Variants in FAT2 observed in about 807,000 individuals in gnomAD.
FAT2 encodes the protein protocadherin Fat 2.
FAT2 carries 150 observed loss-of-function variants against 295.3 expected under a neutral mutation model. The observed-to-expected ratio is 0.51, with a 90% CI of 0.44 to 0.58. FAT2 has a LOEUF of 0.58. FAT2 is among the 20% of genes least tolerant of loss of function. The pLI is 0.00. For synonymous variants in FAT2, 2,026 were observed against 2,150.3 expected (o/e 0.94, Z 1.60); for missense variants, 4,868 against 5,442.7 (o/e 0.89, Z 3.32).
chr5:151,516,229 G>A (rs531593370), intron 20 of FAT2, among the ~76,000 whole-genome samples: 2 of 152,268 alleles, frequency 1.3e-5, no homozygotes, highest in South Asian at 2.1e-4. Flanking sequence ...TTGTAACTCC[G>A]GCTGGGCATG....
At chr5:151,509,374 A>G (rs1864935) in intron 22 of FAT2, 111,153 of 152,112 alleles carry the variant, frequency 0.73, 40,921 homozygotes, top group East Asian at 0.96. Flanking sequence ...AGAGAGAGAC[A>G]CCCTAACACA....
Position 151,543,802 on chromosome 5 carries a change from C to T in FAT2, c.7325G>A (p.Cys2442Tyr), listed in dbSNP as rs776551291. Residue 2442 changes from cysteine (C) to tyrosine (Y), a missense_variant, in exon 10 of 24, where the codon TGC becomes TAC. Cys to Tyr is a radical substitution (Grantham distance 194, BLOSUM62 -2). This residue lies in a region of FAT2 where 3,297 missense variants were observed against 3,669.4 expected (regional missense o/e 0.90). Coordinates refer to ENST00000261800, the MANE Select transcript of FAT2 (RefSeq NM_001447.3). ...SSGIISMFNLCKKHLDSSYNL... is the reference protein window; with the variant it reads ...SSGIISMFNLYKKHLDSSYNL... ...GTAAGAAGAGTCCAGGTGCTTTTTGCAAAGGTTGAACATAGAAATTATTCC... is the reference window on the plus strand; with the variant it reads ...GTAAGAAGAGTCCAGGTGCTTTTTGTAAAGGTTGAACATAGAAATTATTCC... 1.2e-6 allele frequency: 2 copies of T among 1,614,184 alleles called. No individual in the cohort carries two copies. Among genetic ancestry groups the T allele is most frequent in the Admixed American group, 3.3e-5 (2 of 60,024 alleles).
rs1417241370 is a variant in FAT2 at position 151,554,643 on chromosome 5, G to T, written c.3664C>A (p.Leu1222Met). 2 of 1,613,960 alleles carry T rather than the reference G, an allele frequency of 1.2e-6. No individual in the cohort carries two copies. The highest frequency in any genetic ancestry group is 2.7e-5 in the African/African-American group (2 of 75,008). Residue 1222 changes from leucine to methionine, a missense_variant, in exon 5 of 24, where the codon CTG becomes ATG. Leu to Met is a conservative substitution (Grantham distance 15). Coordinates refer to ENST00000261800, the MANE Select transcript of FAT2 (RefSeq NM_001447.3). ...ACCACCACCCTGGAGGTGGACTTCAGTGAGGGTTCCCCATTGTCCAGCACA... is the reference window on the plus strand; with the variant it reads ...ACCACCACCCTGGAGGTGGACTTCATTGAGGGTTCCCCATTGTCCAGCACA... The part of the protein sequence containing the change: ...VTVLDNGEPS[L>M]KSTSRVVVGI...
intron 1 of FAT2, among the ~76,000 whole-genome samples, chr5:151,570,879 A>G (rs1758494666): frequency 6.6e-6 from 1 of 152,190 alleles, no homozygotes; most frequent in Non-Finnish European, 1.5e-5. Flanking sequence ...CCCCAAGATC[A>G]TGCTGACAGC....
At position 151,553,262 on chromosome 5, in the gene FAT2, C is replaced by T. The variant is rs781688320; in HGVS notation, c.4071G>A (p.Thr1357=). 72 of 1,614,230 alleles carry T rather than the reference C, an allele frequency of 4.5e-5. No homozygotes were observed. Among genetic ancestry groups the T allele is most frequent in the Middle Eastern group, 1.6e-4 (1 of 6,062 alleles). The change falls in exon 6 of 24, where the codon ACG becomes ACA. Residue 1357 remains threonine (T), a synonymous_variant. Coordinates refer to ENST00000261800, the MANE Select transcript of FAT2 (RefSeq NM_001447.3). The stretch of plus-strand genomic sequence containing the variant: ...GGTTCACAGGGTCCGTCTCCATGAC[C>T]GTAAAGCTGTAGTAGGTCTCATCAA... ...LAFDETYYSF[T]VMETDPVNHM...
intron 13 of FAT2, among the ~76,000 whole-genome samples, chr5:151,534,015 G>A (rs1754966999): frequency 6.6e-6 from 1 of 152,112 alleles, no homozygotes; most frequent in Admixed American, 6.5e-5. Flanking sequence ...GGAATTTAAT[G>A]GGCTTACTGG....
chr5:151,552,792 T>A (rs1164389625), intron 6 of FAT2, among the ~76,000 whole-genome samples: 2 of 152,192 alleles, frequency 1.3e-5, no homozygotes, highest in African/African-American at 4.8e-5. Flanking sequence ...ACATTGAGCA[T>A]GGCCCCAGGG....
Position 151,543,333 on chromosome 5 carries a change from G to A in FAT2, c.7794C>T (p.Val2598=). 2 of 1,614,166 alleles carry A rather than the reference G, an allele frequency of 1.2e-6. No individual in the cohort carries two copies. The highest frequency in any genetic ancestry group is 1.7e-6 in the Non-Finnish European group (2 of 1,180,024). ...CCTGGATAACCGGAGAGTCTTTACT[G>A]ACATTGGATTGAATGGATACTGTGT... ...SEYTVSIQSN[V]SKDSPVIQVL... is the part of the protein sequence containing the mutation. The change falls in exon 10 of 24, where the codon GTC becomes GTT. Residue 2598 remains valine, a synonymous_variant. Transcript: ENST00000261800.
chr5:151,536,741 C>T (rs779082927), intron 12 of FAT2, among the ~76,000 whole-genome samples: 11 of 152,336 alleles, frequency 7.2e-5, no homozygotes, highest in Non-Finnish European at 1.0e-4. Context: ...TGTGTTATAA[C>T]AATTCTATGA....
At position 151,523,224 on chromosome 5, in the gene FAT2, C is replaced by G. The variant is rs183282370; in HGVS notation, c.10507-1138G>C. ...ATAGCAACAATAATAATTAACACTA[C>G]TGTTAATTATAATGTATAGCTAACA... On this transcript the variant is annotated intron_variant, in intron 18 of 23. Transcript: ENST00000261800. 2.0e-3 allele frequency among the ~76,000 whole-genome samples: 301 copies of G among 152,252 alleles called. 1 individual carries two copies. The highest frequency in any genetic ancestry group is 6.9e-3 in the African/African-American group (288 of 41,526).
chr5:151,549,756 G>A (rs1199862773), intron 8 of FAT2, among the ~76,000 whole-genome samples: 1 of 152,178 alleles, frequency 6.6e-6, no homozygotes, highest in African/African-American at 2.4e-5. Flanking sequence ...GAAATAGGCA[G>A]AGAAGCAGTG....
chr5:151,565,502 C>T (rs973665467), intron 2 of FAT2, among the ~76,000 whole-genome samples, 171 bp downstream of exon 2: 4 of 151,876 alleles, frequency 2.6e-5, no homozygotes, highest in Non-Finnish European at 5.9e-5. Context: ...CATATATTCC[C>T]AGTAAAAACA....
At chr5:151,561,416 G>A (rs1028224150) in intron 3 of FAT2, among the ~76,000 whole-genome samples, 2 of 151,946 alleles carry the variant, frequency 1.3e-5, no homozygotes, top group Admixed American at 6.6e-5. Context: ...TCTGAGACAG[G>A]CTCTTGTTCT....
chr5:151,568,363 C>T lies in FAT2; in HGVS notation c.569G>A (p.Arg190Lys), dbSNP rs754520862. Residue 190 changes from arginine (R) to lysine (K), a missense_variant, in exon 2 of 24, where the codon AGG becomes AAG. This residue lies in a region of FAT2 where 3,297 missense variants were observed against 3,669.4 expected (regional missense o/e 0.90). Coordinates refer to ENST00000261800, the MANE Select transcript of FAT2 (RefSeq NM_001447.3). ...GGGATGGATGGCAAACATCTCTGAC[C>T]TTGTGTTAAAGGCATAATAGAACTC... ...NAEFYYAFNTRSEMFAIHPTS... is the reference protein window; with the variant it reads ...NAEFYYAFNTKSEMFAIHPTS... 5 of 1,614,152 alleles carry T rather than the reference C, an allele frequency of 3.1e-6. No homozygotes were observed. The highest frequency in any genetic ancestry group is 8.5e-7 in the Non-Finnish European group (1 of 1,180,008).
upstream of FAT2, among the ~76,000 whole-genome samples, chr5:151,591,868 A>T (rs1455082589): frequency 6.6e-6 from 1 of 152,212 alleles, no homozygotes; most frequent in East Asian, 1.9e-4. Flanking sequence ...TAAATGAGAT[A>T]AAGGTTGCTA....
intron 10 of FAT2, among the ~76,000 whole-genome samples, 196 bp from the exon 11 acceptor site, chr5:151,540,959 C>G (rs1190408004): frequency 1.3e-5 from 2 of 152,198 alleles, no homozygotes; most frequent in Non-Finnish European, 2.9e-5. Flanking sequence ...TCAAATGCCT[C>G]CTGTTGAATG....
chr5:151,525,178 G>A lies in FAT2; in HGVS notation c.10506+590C>T, dbSNP rs572168972. Among the ~76,000 whole-genome samples the A allele has an allele frequency of 2.6e-5, 4 of 152,272 alleles. No individual in the cohort carries two copies. In the South Asian group the frequency reaches 6.2e-4, roughly 24 times the overall value. ...GCCCATAAGTTTACAGAATAGTAGG[G>A]TCCACTGGACTTGAGATTTAGGAAA... is the stretch of plus-strand genomic sequence containing the variant. On this transcript the variant is annotated intron_variant, in intron 18 of 23. Coordinates refer to ENST00000261800, the MANE Select transcript of FAT2 (RefSeq NM_001447.3).
At position 151,543,427 on chromosome 5, in the gene FAT2, G is replaced by C. The variant is rs2127607560; in HGVS notation, c.7700C>G (p.Ala2567Gly). The change falls in exon 10 of 24, where the codon GCC (alanine) becomes GGC (glycine). Residue 2567 changes from alanine to glycine, a missense_variant. By Grantham distance (60) the Ala-to-Gly change is moderately conservative. Transcript: ENST00000261800. ...VMARDGGGRV[A>G]FCTVKIILTD... ...GAGGATGATCTTCACCGTGCAGAAG[G>C]CTACTCTTCCTCCTCCATCCCGAGC... is the stretch of plus-strand genomic sequence containing the variant. 2 of 1,614,084 alleles carry C rather than the reference G, an allele frequency of 1.2e-6. No homozygotes were observed. The highest frequency in any genetic ancestry group is 1.7e-6 in the Non-Finnish European group (2 of 1,179,998).
chr5:151,547,339 T>C (rs1756740996), intron 9 of FAT2, among the ~76,000 whole-genome samples: 1 of 152,228 alleles, frequency 6.6e-6, no homozygotes, highest in Non-Finnish European at 1.5e-5. Flanking sequence ...TTGTTCTTCA[T>C]TCTATCAGGG....
Sources: gnomAD v4.1 joint callset for allele counts (sites outside exome capture counted in the v4.1 genomes callset) on GRCh38, gnomAD v4.1.1 for gene constraint, gnomAD v4.1.1 regional missense constraint, MANE v1.5 for transcripts, NCBI Gene and HGNC (gene_info 2026-07-23, HGNC 2026-07-21) for gene names.